Variants in PKN2 observed in about 807,000 individuals in gnomAD.
PKN2 encodes protein kinase N2.
Under a neutral mutation model 119.1 loss-of-function variants are expected in PKN2, and 38 were observed. The ratio of observed to expected loss-of-function variants is 0.32; its 90% CI spans 0.25 to 0.42. The LOEUF is 0.42. PKN2 is among the 10% of genes least tolerant of loss of function. PKN2 has a pLI of 1.00. For missense variants in PKN2, 850 were observed against 1,165.1 expected (o/e 0.73, Z 3.94); for synonymous variants, 390 against 384.9 (o/e 1.01, Z -0.15).
At chr1:88,808,288 G>GT (rs778592548) in intron 15 of PKN2, among the ~76,000 whole-genome samples, 2 of 151,754 alleles carry the variant, frequency 1.3e-5, no homozygotes, top group African/African-American at 2.4e-5. Context: ...TTATACAATT[G>GT]TTTTTTTATT....
intron 8 of PKN2, among the ~76,000 whole-genome samples, chr1:88,790,119 A>G (rs183541667): frequency 6.6e-6 from 1 of 152,142 alleles, no homozygotes; most frequent in Non-Finnish European, 1.5e-5. Context: ...GGGGCCTTAC[A>G]TCTTTCTGCT....
chr1:88,813,768 C>G (rs762791769), intron 16 of PKN2, 35 bp downstream of exon 16: 1 of 1,476,118 alleles, frequency 6.8e-7, no homozygotes, highest in Non-Finnish European at 9.1e-7. Flanking sequence ...TGAGTTTTTC[C>G]ATGACTGATT....
At chr1:88,783,950 G>A (rs767634089) in intron 6 of PKN2, among the ~76,000 whole-genome samples, 1 of 152,006 alleles carries the variant, frequency 6.6e-6, no homozygotes, top group Non-Finnish European at 1.5e-5. Flanking sequence ...TGTTAACTAC[G>A]TAACTATTAA....
chr1:88,828,889 A>G (rs1672613682), intron 19 of PKN2: 2 of 611,390 alleles, frequency 3.3e-6, no homozygotes, highest in Admixed American at 2.7e-5. Context: ...ATTTTAAGAC[A>G]TAGTCATTTT....
chr1:88,774,683 G>T (rs1670019232), intron 6 of PKN2, among the ~76,000 whole-genome samples: 1 of 151,426 alleles, frequency 6.6e-6, no homozygotes, highest in Non-Finnish European at 1.5e-5. Context: ...CCTTCTTTTG[G>T]TTTTGATTGA....
intron 1 of PKN2, among the ~76,000 whole-genome samples, chr1:88,687,329 T>G (rs1666142422): frequency 6.6e-6 from 1 of 152,174 alleles, no homozygotes; most frequent in Non-Finnish European, 1.5e-5. Flanking sequence ...GGAAGAATAT[T>G]TACTGTAGTA....
At chr1:88,751,377 TACACAC>T (rs34210018) in intron 2 of PKN2, among the ~76,000 whole-genome samples, 10,018 of 146,610 alleles carry the variant, frequency 0.068, 670 homozygotes, top group African/African-American at 0.18. Context: ...TATTTACACA[TACACAC>T]ACACACACAC....
intron 1 of PKN2, among the ~76,000 whole-genome samples, chr1:88,699,246 G>C (rs2100660675): frequency 6.6e-6 from 1 of 152,056 alleles, no homozygotes; most frequent in South Asian, 2.1e-4. Context: ...TCTGTTTTGG[G>C]AGATTGCCTT....
rs775916705 is a variant in PKN2 at position 88,758,303 on chromosome 1, TTTAC to T, written c.350-1917_350-1914del. Among the ~76,000 whole-genome samples, 7 of 152,142 alleles carry T rather than the reference TTTAC, an allele frequency of 4.6e-5. No homozygotes were observed. The East Asian group carries it at 1.3e-3, about 29-fold the overall frequency. On this transcript the variant is annotated intron_variant, in intron 2 of 21. Transcript: ENST00000370521. ...GCACATGTTTTGAATTTTTAGGGACTTTACTAACACAGATTTTGAAAATATTCCC... is the reference window on the plus strand; with the variant it reads ...GCACATGTTTTGAATTTTTAGGGACTTAACACAGATTTTGAAAATATTCCC...
At chr1:88,745,442 C>T (rs1276646097) in intron 2 of PKN2, among the ~76,000 whole-genome samples, 1 of 152,018 alleles carries the variant, frequency 6.6e-6, no homozygotes, top group Non-Finnish European at 1.5e-5. Flanking sequence ...AATCAGCATA[C>T]AAAAGTCAGT....
intron 1 of PKN2, among the ~76,000 whole-genome samples, chr1:88,689,353 C>T (rs1294066096): frequency 1.3e-5 from 2 of 151,772 alleles, no homozygotes; most frequent in African/African-American, 4.8e-5. Context: ...ATTTTACTTA[C>T]TAGAATTTTG....
At chr1:88,727,220 G>C (rs564980234) in intron 1 of PKN2, among the ~76,000 whole-genome samples, 2 of 146,836 alleles carry the variant, frequency 1.4e-5, no homozygotes, top group South Asian at 4.4e-4. Flanking sequence ...CTTTTTCCTG[G>C]TATTAATATG....
chr1:88,713,468 T>C (rs1248597601), intron 1 of PKN2, among the ~76,000 whole-genome samples: 1 of 152,202 alleles, frequency 6.6e-6, no homozygotes, highest in African/African-American at 2.4e-5. Flanking sequence ...TGATCACCAG[T>C]CTAACTGGTG....
rs779155801 is a variant in PKN2, at chr1:88,804,924, A to G, written c.1501+3A>G. On this transcript the variant is annotated splice_donor_region_variant and intron_variant, in intron 10 of 21. Transcript: ENST00000370521. ...GAAAATTTTTTCAAAGCAACAAGGT[A>G]ATTACTAACAATCAAATGCATAGCA... The G allele has an allele frequency of 8.9e-6, 12 of 1,345,606 alleles. No homozygotes were observed. The highest frequency in any genetic ancestry group is 3.6e-5 in the Admixed American group (2 of 55,010). The allele number at this position is 1,345,606 out of a possible 1,614,324, so 83.4% of individuals were successfully genotyped here.
At position 88,764,956 on chromosome 1, in the gene PKN2, G is replaced by A. The variant is rs537090655; in HGVS notation, c.504+4580G>A. 9.9e-5 allele frequency among the ~76,000 whole-genome samples: 15 copies of A among 151,956 alleles called. No individual in the cohort carries two copies. The South Asian group carries it at 1.7e-3, about 17-fold the overall frequency. ...TGTTTTGTTTTTGAGACAGAGTCTC[G>A]CTCTGTCGCCTAGGCTCAAGTGCAG... On this transcript the variant is annotated intron_variant, in intron 3 of 21. Transcript: ENST00000370521.
intron 1 of PKN2, among the ~76,000 whole-genome samples, chr1:88,705,788 T>C (rs926238064): frequency 2.0e-5 from 3 of 152,170 alleles, no homozygotes; most frequent in African/African-American, 7.2e-5. Flanking sequence ...TGCGACAATT[T>C]CTGCTCTCTC....
intron 8 of PKN2, among the ~76,000 whole-genome samples, chr1:88,795,819 A>C (rs1478066218): frequency 6.6e-6 from 1 of 151,386 alleles, no homozygotes; most frequent in Non-Finnish European, 1.5e-5. Flanking sequence ...TCTTCATTGC[A>C]TATCACAATA....
intron 2 of PKN2, among the ~76,000 whole-genome samples, chr1:88,741,810 T>C (rs564927282): frequency 6.6e-6 from 1 of 152,168 alleles, no homozygotes; most frequent in Non-Finnish European, 1.5e-5. Context: ...CTGTTACACA[T>C]TACTTTTATT....
intron 1 of PKN2, among the ~76,000 whole-genome samples, chr1:88,735,604 C>CT (rs1668310325): frequency 6.0e-4 from 2 of 3,318 alleles, no homozygotes; most frequent in Non-Finnish European, 1.1e-3. Context: ...GACAGCCCAC[C>CT]CCCCCCCCCC....
Sources: allele counts gnomAD v4.1 joint callset (sites outside exome capture counted in the v4.1 genomes callset), GRCh38; gene constraint gnomAD v4.1.1; transcripts MANE v1.5; gene names NCBI Gene and HGNC (gene_info 2026-07-23, HGNC 2026-07-21).